AFF3: variants seen among roughly 807,000 people sequenced by gnomAD.
AFF3 encodes the protein AF4/FMR2 family member 3.
In AFF3, 32 loss-of-function variants were observed where a neutral mutation model predicts 129.7. The observed-to-expected ratio is 0.25, with a 90% confidence interval of 0.19 to 0.33. The LOEUF is 0.33. Ranked by LOEUF, AFF3 falls within the 10% of genes least tolerant of loss-of-function variation. AFF3 has a pLI of 1.00. For missense variants in AFF3, 1,373 were observed against 1,592.0 expected, an observed-to-expected ratio of 0.86 and a Z score of 2.34; for synonymous variants, 644 against 635.4, an observed-to-expected ratio of 1.01 and a Z score of -0.20.
chr2:99,860,177 G>A (rs13401679), intron 7 of AFF3, among the ~76,000 whole-genome samples: 233 of 152,244 alleles, frequency 1.5e-3, no homozygotes, highest in African/African-American at 5.3e-3. Context: ...AGCACTCTGG[G>A]AGGCTGAGGC....
At chr2:99,734,345 T>A (rs1427888442) in intron 10 of AFF3, among the ~76,000 whole-genome samples, 5 of 141,906 alleles carry the variant, frequency 3.5e-5, no homozygotes, top group African/African-American at 1.3e-4. Context: ...AAATGAATGT[T>A]CTTCTCCTTT....
chr2:100,103,268 G>C (rs1690880826), intron 4 of AFF3, among the ~76,000 whole-genome samples: 1 of 151,812 alleles, frequency 6.6e-6, no homozygotes, highest in Non-Finnish European at 1.5e-5. Flanking sequence ...GCATATTCAT[G>C]TGCACACCAC....
chr2:99,979,315 C>A (rs1268770587), intron 7 of AFF3, among the ~76,000 whole-genome samples: 2 of 151,948 alleles, frequency 1.3e-5, no homozygotes, highest in East Asian at 3.9e-4. Flanking sequence ...GTGAGATGGG[C>A]TCTTGAAGAA....
Position 99,867,895 on chromosome 2 carries a change from G to A in AFF3, c.874-30371C>T, listed in dbSNP as rs192079439. 1.2e-4 allele frequency among the ~76,000 whole-genome samples: 18 copies of A among 152,318 alleles called. No homozygotes were observed. The East Asian group carries it at 3.1e-3, about 26-fold the overall frequency. On this transcript the variant is annotated intron_variant, in intron 7 of 24. Transcript: ENST00000672756. The stretch of plus-strand genomic sequence containing the variant: ...ACTTCATTACGCCAGACTTCCTCCA[G>A]GAAGTGTGAGCAGGCTAATCACGCC...
chr2:99,752,866 T>G (rs1681776305), intron 8 of AFF3, among the ~76,000 whole-genome samples: 1 of 152,192 alleles, frequency 6.6e-6, no homozygotes, highest in Non-Finnish European at 1.5e-5. Flanking sequence ...TATAACACAG[T>G]ATTAAGAACA....
intron 1 of AFF3, among the ~76,000 whole-genome samples, chr2:100,131,952 T>C (rs986656438): frequency 6.6e-6 from 1 of 152,062 alleles, no homozygotes; most frequent in Non-Finnish European, 1.5e-5. Context: ...GGAGTCAGGG[T>C]GGGATGGAGT....
chr2:99,557,250 AGCAACTCT>A, intron 22 of AFF3, among the ~76,000 whole-genome samples: 1 of 151,276 alleles, frequency 6.6e-6, no homozygotes, highest in South Asian at 2.1e-4. Context: ...TTCCTTGAGG[AGCAACTCT>A]GATTTTCTGG....
In AFF3 at chr2:100,080,977, C is replaced by T. The variant is rs558100678; in HGVS notation, c.53+23425G>A. 5.3e-5 allele frequency among the ~76,000 whole-genome samples: 8 copies of T among 152,216 alleles called. No homozygotes were observed. In the East Asian group the frequency reaches 1.4e-3, roughly 26 times the overall value. On this transcript the variant is annotated intron_variant, in intron 4 of 24. Coordinates refer to ENST00000672756, the MANE Select transcript of AFF3 (RefSeq NM_001386135.1). Reference sequence around the variant, plus strand: ...AGGAAAAGCAAGGTTCAGAAACCAGCAATGCAGCCTGAACCACAGGCAGAA... The same window carrying T: ...AGGAAAAGCAAGGTTCAGAAACCAGTAATGCAGCCTGAACCACAGGCAGAA...
At chr2:99,584,592 C>T (rs1677910161) in intron 16 of AFF3, among the ~76,000 whole-genome samples, 1 of 152,176 alleles carries the variant, frequency 6.6e-6, no homozygotes, top group Admixed American at 6.5e-5. Flanking sequence ...TAACATTCTC[C>T]AAAATCAACC....
intron 21 of AFF3, among the ~76,000 whole-genome samples, chr2:99,559,780 G>GA (rs1675298286): frequency 6.6e-6 from 1 of 152,184 alleles, no homozygotes; most frequent in Admixed American, 6.5e-5. Flanking sequence ...AACAATTTGA[G>GA]ACCTTTTTTG....
At chr2:100,069,152 C>A (rs1201885890) in intron 4 of AFF3, among the ~76,000 whole-genome samples, 4 of 152,078 alleles carry the variant, frequency 2.6e-5, no homozygotes, top group Admixed American at 2.0e-4. Context: ...CAAGATCATG[C>A]CCTTTGCAGG....
intron 4 of AFF3, among the ~76,000 whole-genome samples, chr2:100,020,035 T>C (rs1573143865): frequency 6.6e-6 from 1 of 152,314 alleles, no homozygotes; most frequent in East Asian, 1.9e-4. Flanking sequence ...TTTCTTGCCA[T>C]TACACCTTCT....
chr2:99,863,518 T>C (rs537913410), intron 7 of AFF3, among the ~76,000 whole-genome samples: 1 of 152,352 alleles, frequency 6.6e-6, no homozygotes, highest in South Asian at 2.1e-4. Flanking sequence ...TTAGAGATAC[T>C]GGAAAAATAT....
intron 8 of AFF3, among the ~76,000 whole-genome samples, chr2:99,793,982 T>A (rs1685387905): frequency 1.3e-5 from 2 of 152,228 alleles, no homozygotes; most frequent in Non-Finnish European, 2.9e-5. Context: ...AGGGTCAATA[T>A]TTGTTCTAAT....
At chr2:99,838,586 A>G (rs1198099054) in intron 7 of AFF3, among the ~76,000 whole-genome samples, 1 of 152,130 alleles carries the variant, frequency 6.6e-6, no homozygotes. Flanking sequence ...CCACTTCTTC[A>G]AAGCCCTCAC....
At chr2:99,854,122 T>C (rs1040044894) in intron 7 of AFF3, among the ~76,000 whole-genome samples, 4 of 152,094 alleles carry the variant, frequency 2.6e-5, no homozygotes, top group Admixed American at 6.6e-5. Context: ...ACAAATAATA[T>C]TTAAAGGTGA....
Position 99,914,841 on chromosome 2 carries a change from A to G in AFF3, c.874-77317T>C, listed in dbSNP as rs1695361061. Among the ~76,000 whole-genome samples the G allele has an allele frequency of 2.6e-5, 4 of 152,062 alleles. No homozygotes were observed. The South Asian group carries it at 8.3e-4, about 32-fold the overall frequency. On this transcript the variant is annotated intron_variant, in intron 7 of 24. Transcript: ENST00000672756. ...AGGCTGAGGCAGGAGAATCGCTTGA[A>G]CCCAGGAGCTGAGATTGCACCACTG... is the stretch of plus-strand genomic sequence containing the variant.
chr2:100,038,750 C>A (rs1486144846), intron 4 of AFF3, among the ~76,000 whole-genome samples: 2 of 151,028 alleles, frequency 1.3e-5, no homozygotes, highest in Admixed American at 6.6e-5. Context: ...TTAGACAGAG[C>A]CTCGCTCTTG....
At chr2:100,030,732 T>C (rs911443055) in intron 4 of AFF3, among the ~76,000 whole-genome samples, 10 of 152,158 alleles carry the variant, frequency 6.6e-5, no homozygotes, top group African/African-American at 2.2e-4. Context: ...ATGCATATTG[T>C]TAAATGAAAG....
Sources: gnomAD v4.1 joint callset for allele counts (sites outside exome capture counted in the v4.1 genomes callset) on GRCh38, gnomAD v4.1.1 for gene constraint, MANE v1.5 for transcripts, NCBI Gene and HGNC (gene_info 2026-07-23, HGNC 2026-07-21) for gene names.